NEDD4L: variants seen among roughly 807,000 people sequenced by gnomAD.
The protein encoded by NEDD4L is NEDD4 like E3 ubiquitin protein ligase.
In NEDD4L, 54 loss-of-function variants were observed where a neutral mutation model predicts 148.9. That is an observed-to-expected ratio of 0.36 (90% CI 0.29 to 0.45). NEDD4L has a LOEUF of 0.45. Among genes scored for constraint, NEDD4L ranks in the 20% least tolerant of loss-of-function variants. The probability of loss-of-function intolerance (pLI) is 1.00; values close to 1 mark genes in which losing one functional copy is unlikely to be tolerated. For synonymous variants in NEDD4L, 433 were observed against 440.7 expected (o/e 0.98, Z 0.22); for missense variants, 856 against 1,233.8 (o/e 0.69, Z 4.59).
chr18:58,134,771 T>C (rs2032637054), intron 1 of NEDD4L, among the ~76,000 whole-genome samples: 1 of 36,736 alleles, frequency 2.7e-5, no homozygotes. Context: ...CAATTTTCAT[T>C]TTTTTTTTTT....
intron 8 of NEDD4L, 87 bp from the exon 9 acceptor site, chr18:58,324,909 G>A: frequency 8.0e-7 from 1 of 1,251,034 alleles, no homozygotes. Flanking sequence ...AGAGCAAGGA[G>A]AAGGGCATGC....
chr18:58,319,217 G>C (rs372176764), intron 6 of NEDD4L, among the ~76,000 whole-genome samples: 25 of 152,162 alleles, frequency 1.6e-4, no homozygotes, highest in East Asian at 1.3e-3. Flanking sequence ...AGAGAGGGAG[G>C]GGACTTGCCC....
intron 1 of NEDD4L, among the ~76,000 whole-genome samples, chr18:58,144,165 T>A (rs1036793075): frequency 4.0e-5 from 6 of 151,398 alleles, no homozygotes; most frequent in African/African-American, 1.5e-4. Context: ...CTTGCATTGG[T>A]ATAAAGAAAC....
intron 1 of NEDD4L, among the ~76,000 whole-genome samples, chr18:58,088,641 G>A (rs1286537200): frequency 6.6e-6 from 1 of 152,062 alleles, no homozygotes; most frequent in African/African-American, 2.4e-5. Context: ...TTGCATTTTT[G>A]TATAAATGCA....
At chr18:58,053,378 G>A (rs8097163) in intron 1 of NEDD4L, among the ~76,000 whole-genome samples, 122,814 of 151,822 alleles carry the variant, frequency 0.81, 50,223 homozygotes, top group East Asian at 1. Context: ...GTGCAATCTC[G>A]GCTCACTGCA....
At chr18:58,328,690 A>G (rs545067291) in intron 9 of NEDD4L, among the ~76,000 whole-genome samples, 2 of 152,232 alleles carry the variant, frequency 1.3e-5, no homozygotes, top group Non-Finnish European at 2.9e-5. Context: ...GCAAATGGGC[A>G]GAGGACTTTG....
intron 1 of NEDD4L, among the ~76,000 whole-genome samples, chr18:58,112,791 A>G (rs2085502996): frequency 6.6e-6 from 1 of 152,198 alleles, no homozygotes; most frequent in Non-Finnish European, 1.5e-5. Context: ...TGCCTGGCCC[A>G]TTATATATAC....
In NEDD4L at chr18:58,364,078, T is replaced by C. The variant is rs1456117689; in HGVS notation, c.1768-190T>C. Among the ~76,000 whole-genome samples, 2 of 152,230 alleles carry C rather than the reference T, an allele frequency of 1.3e-5. 1 individual carries two copies. Among genetic ancestry groups the C allele is most frequent in the Admixed American group, 1.3e-4 (2 of 15,274 alleles). ...CAGGGGTGAAAGCTGCATTCAAAGC[T>C]GATTAGCCCTCATCAGTTCTAGGAC... On this transcript the variant is annotated intron_variant, in intron 19 of 30. Transcript: ENST00000400345.
intron 13 of NEDD4L, among the ~76,000 whole-genome samples, chr18:58,338,661 A>G (rs2042063976): frequency 6.6e-6 from 1 of 152,186 alleles, no homozygotes; most frequent in Non-Finnish European, 1.5e-5. Flanking sequence ...CACACTGGTA[A>G]TCCCAGCACT....
At chr18:58,140,471 G>A (rs777615308) in intron 1 of NEDD4L, among the ~76,000 whole-genome samples, 1 of 151,310 alleles carries the variant, frequency 6.6e-6, no homozygotes, top group Middle Eastern at 3.4e-3. Context: ...GGATTCTTTT[G>A]TCCATTTCTG....
intron 13 of NEDD4L, among the ~76,000 whole-genome samples, chr18:58,338,007 T>C (rs1167910968): frequency 6.6e-6 from 1 of 152,224 alleles, no homozygotes; most frequent in Non-Finnish European, 1.5e-5. Flanking sequence ...CGAGCCACCA[T>C]TACTGGGTTG....
chr18:58,247,896 A>G (rs979592372), intron 3 of NEDD4L, among the ~76,000 whole-genome samples: 1 of 152,186 alleles, frequency 6.6e-6, no homozygotes, highest in Non-Finnish European at 1.5e-5. Flanking sequence ...TTAGGATTGA[A>G]TTCACTGTGG....
At chr18:58,215,091 C>T (rs879572015) in intron 2 of NEDD4L, among the ~76,000 whole-genome samples, 2 of 152,086 alleles carry the variant, frequency 1.3e-5, no homozygotes, top group African/African-American at 2.4e-5. Context: ...GGATTACAGG[C>T]GTGAGCCACC....
At chr18:58,273,095 G>A (rs996210224) in intron 5 of NEDD4L, among the ~76,000 whole-genome samples, 4 of 152,296 alleles carry the variant, frequency 2.6e-5, no homozygotes, top group East Asian at 1.9e-4. Context: ...AAGGTCCTGC[G>A]CTGGGAAGAG....
At chr18:58,333,349 G>A (rs2041278604) in intron 11 of NEDD4L, among the ~76,000 whole-genome samples, 1 of 151,242 alleles carries the variant, frequency 6.6e-6, no homozygotes, top group South Asian at 2.1e-4. Context: ...GATGATGTCT[G>A]AGCTCCTCTG....
At chr18:58,272,739 A>G (rs1450255269) in intron 5 of NEDD4L, among the ~76,000 whole-genome samples, 1 of 152,212 alleles carries the variant, frequency 6.6e-6, no homozygotes, top group African/African-American at 2.4e-5. Flanking sequence ...CATAAAAGTC[A>G]GTAAGGCTAA....
At position 58,381,117 on chromosome 18, in the gene NEDD4L, A is replaced by C. The variant is rs116471414; in HGVS notation, c.2353-2129A>C. Among the ~76,000 whole-genome samples the C allele has an allele frequency of 6.2e-3, 942 of 152,268 alleles. 12 individuals are homozygous for C. Among genetic ancestry groups the C allele is most frequent in the African/African-American group, 0.022 (908 of 41,550 alleles). On this transcript the variant is annotated intron_variant, in intron 24 of 30. Coordinates refer to ENST00000400345, the MANE Select transcript of NEDD4L (RefSeq NM_001144967.3). The stretch of plus-strand genomic sequence containing the variant: ...AATATACATTTTGTGTACTTGACTA[A>C]TTTTTTTCCATTGCTATAAACTCCA...
chr18:58,311,359 A>G (rs1160347655), intron 5 of NEDD4L, among the ~76,000 whole-genome samples: 4 of 152,232 alleles, frequency 2.6e-5, no homozygotes, highest in Non-Finnish European at 5.9e-5. Flanking sequence ...AGAAATACAC[A>G]TGGGTCATTT....
intron 5 of NEDD4L, among the ~76,000 whole-genome samples, chr18:58,306,537 A>G (rs2057082898): frequency 6.6e-6 from 1 of 151,936 alleles, no homozygotes; most frequent in Non-Finnish European, 1.5e-5. Flanking sequence ...CTGGTACATG[A>G]AGTACAGGTT....
Sources: gnomAD v4.1 joint callset for allele counts (sites outside exome capture counted in the v4.1 genomes callset) on GRCh38, gnomAD v4.1.1 for gene constraint, MANE v1.5 for transcripts, NCBI Gene and HGNC (gene_info 2026-07-23, HGNC 2026-07-21) for gene names.